The following TNC variants were observed in gnomAD, a reference collection of about 807,000 sequenced individuals.
The protein encoded by TNC is tenascin C.
In TNC, 109 loss-of-function variants were observed where a neutral mutation model predicts 202.4. That is an observed-to-expected ratio of 0.54 (90% confidence interval 0.46 to 0.63). The LOEUF (loss-of-function observed/expected upper bound fraction) is 0.63. Ranked by LOEUF, TNC falls within the 30% of genes least tolerant of loss-of-function variation. The probability of loss-of-function intolerance (pLI) is 0.00; values close to 1 mark genes in which losing one functional copy is unlikely to be tolerated. For synonymous variants in TNC, 1,007 were observed against 1,089.7 expected (o/e 0.92, Z 1.50); for missense variants, 2,756 against 2,833.3 (o/e 0.97, Z 0.62).
chr9:115,043,988 T>C (rs1830976194), intron 17 of TNC, among the ~76,000 whole-genome samples: 1 of 152,204 alleles, frequency 6.6e-6, no homozygotes, highest in Non-Finnish European at 1.5e-5. Flanking sequence ...TTGAGTTAAA[T>C]TCTATTTTCC....
rs1834022639 is a variant in TNC, at chr9:115,078,125, T to C, written c.2492A>G (p.Asp831Gly). ...GATGCCGTAGGTCAGCTCAATGCCATCGATCTCAGCCAGGGGCTTGAACCA... is the reference window on the plus strand; with the variant it reads ...GATGCCGTAGGTCAGCTCAATGCCACCGATCTCAGCCAGGGGCTTGAACCA... Reference protein sequence around the residue: ...ITWFKPLAEIDGIELTYGIKD... With the variant: ...ITWFKPLAEIGGIELTYGIKD... Residue 831 changes from aspartate (D) to glycine (G), a missense_variant, in exon 7 of 28, where the codon GAT (aspartate) becomes GGT (glycine). By Grantham distance (94) the Asp-to-Gly change is moderately conservative. Around this residue, in one of 2 missense-constraint regions of TNC, gnomAD observed 2,559 missense variants for 2,546.0 expected, o/e 1.01. Coordinates refer to ENST00000350763, the MANE Select transcript of TNC (RefSeq NM_002160.4). 1.9e-6 allele frequency: 3 copies of C among 1,614,202 alleles called. No homozygotes were observed. The highest frequency in any genetic ancestry group is 2.5e-6 in the Non-Finnish European group (3 of 1,180,016).
chr9:115,102,070 T>C lies in TNC; in HGVS notation c.-136-10916A>G, dbSNP rs914496067. 5.3e-5 allele frequency among the ~76,000 whole-genome samples: 8 copies of C among 152,210 alleles called. 1 individual carries two copies. Among genetic ancestry groups the C allele is most frequent in the Admixed American group, 2.6e-4 (4 of 15,270 alleles). ...ATTCACATACAATTATGAGATAGTA[T>C]TTGTACCCTCATTTTGCAGCTGAAA... On this transcript the variant is annotated intron_variant, in intron 1 of 27. Coordinates refer to ENST00000350763, the MANE Select transcript of TNC (RefSeq NM_002160.4).
chr9:115,067,727 A>G (rs1294593616), intron 10 of TNC, among the ~76,000 whole-genome samples: 4 of 152,056 alleles, frequency 2.6e-5, no homozygotes, highest in Non-Finnish European at 4.4e-5. Context: ...TCATCTGTTC[A>G]TATAGTTGAT....
At position 115,060,262 on chromosome 9, in the gene TNC, C is replaced by T. The variant is rs531643721; in HGVS notation, c.4034-260G>A. On this transcript the variant is annotated intron_variant, in intron 13 of 27. Coordinates refer to ENST00000350763, the MANE Select transcript of TNC (RefSeq NM_002160.4). The stretch of plus-strand genomic sequence containing the variant: ...ACATCTGCACCAATGCACAACCCAC[C>T]GGGAGCATGCATTGCTAGCAGGTGA... 3.2e-4 allele frequency among the ~76,000 whole-genome samples: 48 copies of T among 152,186 alleles called. No individual in the cohort carries two copies. The South Asian group carries it at 7.9e-3, about 25-fold the overall frequency.
intron 1 of TNC, among the ~76,000 whole-genome samples, chr9:115,098,261 T>C (rs1419454680): frequency 1.3e-5 from 2 of 152,226 alleles, no homozygotes; most frequent in African/African-American, 4.8e-5. Context: ...ATTTACCAGG[T>C]TGGGAAACCA....
At chr9:115,062,813 G>A (rs1043425064) in intron 13 of TNC, 104 bp downstream of exon 13, 239 of 1,334,402 alleles carry the variant, frequency 1.8e-4, no homozygotes, top group Admixed American at 4.8e-4. Context: ...CACGCTGTCT[G>A]TCAACAACAT....
chr9:115,039,759 A>G (rs570621227), intron 19 of TNC, among the ~76,000 whole-genome samples: 2 of 152,346 alleles, frequency 1.3e-5, no homozygotes, highest in African/African-American at 2.4e-5. Flanking sequence ...TTCACTGTGC[A>G]TGGACAGAAT....
Position 115,073,620 on chromosome 9 carries a change from C to A in TNC, c.3197G>T (p.Arg1066Leu), listed in dbSNP as rs1138545. Residue 1066 changes from arginine to leucine, a missense_variant, in exon 10 of 28, where the codon CGT becomes CTT. This residue lies in a region of TNC where 2,559 missense variants were observed against 2,546.0 expected (regional missense o/e 1.01). Transcript: ENST00000350763. ...EKGRHKSKPARVKASTEQAPE... is the reference protein window; with the variant it reads ...EKGRHKSKPALVKASTEQAPE... ...AGACTCACCAGTGGATGCCTTCACA[C>A]GTGCGGGCTTGCTCTTGTGTCTGCC... 1 of 1,613,640 alleles carries A rather than the reference C, an allele frequency of 6.2e-7. No homozygotes were observed. The highest frequency in any genetic ancestry group is 1.3e-5 in the African/African-American group (1 of 74,970).
intron 25 of TNC, 34 bp from the exon 26 acceptor site, chr9:115,026,729 C>T (rs1434252653): frequency 6.2e-6 from 10 of 1,608,760 alleles, no homozygotes; most frequent in Middle Eastern, 3.7e-4. Flanking sequence ...CTAAGAAGCA[C>T]AGGTGACTGA....
chr9:115,086,367 A>T lies in TNC; in HGVS notation c.1364T>A (p.Val455Glu), dbSNP rs1834731644. 1 of 1,613,950 alleles carries T rather than the reference A, an allele frequency of 6.2e-7. No homozygotes were observed. Among genetic ancestry groups the T allele is most frequent in the Non-Finnish European group, 8.5e-7 (1 of 1,179,988 alleles). Residue 455 changes from valine to glutamate, a missense_variant, in exon 3 of 28, where the codon GTA becomes GAA. Around this residue, in one of 2 missense-constraint regions of TNC, gnomAD observed 2,559 missense variants for 2,546.0 expected, o/e 1.01. Coordinates refer to ENST00000350763, the MANE Select transcript of TNC (RefSeq NM_002160.4). ...ATAGCCCTTGAAGCCTTGCTCACAT[A>T]CACATTTGCCCTCGACACAGCGGCC... is the stretch of plus-strand genomic sequence containing the variant. ...SRGRCVEGKC[V>E]CEQGFKGYDC...
chr9:115,101,041 A>G (rs1031497174), intron 1 of TNC, among the ~76,000 whole-genome samples: 1 of 152,134 alleles, frequency 6.6e-6, no homozygotes, highest in Non-Finnish European at 1.5e-5. Context: ...CTTGGCCCTG[A>G]TGAGTTTTTT....
intron 27 of TNC, among the ~76,000 whole-genome samples, chr9:115,021,515 T>A (rs181689006): frequency 2.0e-5 from 3 of 152,286 alleles, no homozygotes; most frequent in African/African-American, 7.2e-5. Context: ...GTCGCCTGAG[T>A]TTGCATGGAG....
rs543030415 is a variant in TNC at position 115,078,513 on chromosome 9, T to TTTG, written c.2405-304_2405-302dup. Among the ~76,000 whole-genome samples the TTTG allele has an allele frequency of 4.6e-3, 706 of 152,088 alleles. 4 individuals carry two copies. The highest frequency in any genetic ancestry group is 8.0e-3 in the Non-Finnish European group (541 of 67,994). On this transcript the variant is annotated intron_variant, in intron 6 of 27. Transcript: ENST00000350763. ...ACATGAAAAAAAAAAAGGTTGTTCT[T>TTTG]TTGTTATTATTATTATTATTACTGT...
At chr9:115,106,971 GC>G (rs1345711036) in intron 1 of TNC, among the ~76,000 whole-genome samples, 1 of 152,072 alleles carries the variant, frequency 6.6e-6, no homozygotes, top group African/African-American at 2.4e-5. Flanking sequence ...GAAGGCAGAG[GC>G]AAATGAAGAT....
intron 7 of TNC, among the ~76,000 whole-genome samples, chr9:115,077,297 T>C (rs1265921): frequency 0.16 from 24,389 of 150,702 alleles, 2,452 homozygotes; most frequent in Middle Eastern, 0.26. Flanking sequence ...ACCTCGTGAT[T>C]CGCCCGCCTT....
intron 18 of TNC, among the ~76,000 whole-genome samples, chr9:115,041,314 G>T (rs58156981): frequency 2.3e-5 from 3 of 131,594 alleles, no homozygotes; most frequent in African/African-American, 6.3e-5. Flanking sequence ...AGGGGCGGGG[G>T]AAAACATGAA....
intron 21 of TNC, 184 bp downstream of exon 21, chr9:115,035,914 G>T: frequency 1.5e-6 from 1 of 663,768 alleles, no homozygotes. Context: ...CAGTTCAAAA[G>T]GAAATAGTGT....
chr9:115,038,117 C>A, intron 20 of TNC, 144 bp downstream of exon 20: 1 of 1,065,476 alleles, frequency 9.4e-7, no homozygotes, highest in Non-Finnish European at 1.3e-6. Flanking sequence ...AGTTGGGAGC[C>A]ACATGAACAT....
chr9:115,073,454 C>G, intron 10 of TNC, 149 bp downstream of exon 10: 1 of 838,248 alleles, frequency 1.2e-6, no homozygotes, highest in South Asian at 2.2e-5. Context: ...GAGTAAGCAG[C>G]CCTTTCAAAG....
Sources: gnomAD v4.1 joint callset for allele counts (sites outside exome capture counted in the v4.1 genomes callset) on GRCh38, gnomAD v4.1.1 for gene constraint, gnomAD v4.1.1 regional missense constraint, MANE v1.5 for transcripts, NCBI Gene and HGNC (gene_info 2026-07-23, HGNC 2026-07-21) for gene names.